Variants in NET1 observed in about 807,000 individuals in gnomAD.
NET1 encodes neuroepithelial cell-transforming gene 1 protein.
A neutral mutation model predicts 61.1 loss-of-function variants in NET1; 42 were observed. The ratio of observed to expected loss-of-function variants is 0.69; its 90% CI spans 0.54 to 0.89. NET1 has a LOEUF of 0.89. NET1 is among the 40% of genes least tolerant of loss of function. The pLI is 0.00. For missense variants in NET1, 654 were observed against 747.3 expected (o/e 0.88, Z 1.46); for synonymous variants, 254 against 281.8 (o/e 0.90, Z 0.99).
At position 5,426,443 on chromosome 10, in the gene NET1, C is replaced by A. The variant is rs1832258589; in HGVS notation, c.129-212C>A. 6.6e-6 allele frequency among the ~76,000 whole-genome samples: 1 copy of A among 152,092 alleles called. No individual in the cohort carries two copies. The highest frequency in any genetic ancestry group is 1.5e-5 in the Non-Finnish European group (1 of 68,006). On this transcript the variant is annotated intron_variant, in intron 1 of 11. Transcript: ENST00000355029. This position sits in a 1 kb window ranked among gnomAD's most constrained non-coding sequence, Gnocchi z 4.6. The stretch of plus-strand genomic sequence containing the variant: ...CACTAATTTTATATAGGCCTTTTCA[C>A]TCTAAAGATGCTGAGAATGACCAAA...
rs1832349772 is a variant in NET1, at chr10:5,431,572, T to A, written c.255+2343T>A. On this transcript the variant is annotated intron_variant, in intron 3 of 11. Coordinates refer to ENST00000355029, the MANE Select transcript of NET1 (RefSeq NM_001047160.3). The surrounding 1 kb of genome is among the most constrained non-coding windows in gnomAD (Gnocchi z 4.9). ...ATCTGTAAAGAGAAAATTCACCTTG[T>A]CGGCCATTTGATTACTCTGAAGTTC... Among the ~76,000 whole-genome samples, 1 of 152,182 alleles carries A rather than the reference T, an allele frequency of 6.6e-6. No homozygotes were observed. The highest frequency in any genetic ancestry group is 6.5e-5 in the Admixed American group (1 of 15,284).
intron 3 of NET1, among the ~76,000 whole-genome samples, chr10:5,438,169 C>T (rs1436777521): frequency 1.3e-5 from 2 of 152,192 alleles, no homozygotes; most frequent in East Asian, 3.9e-4. Context: ...AATCAGTACC[C>T]CAACTTTATT....
chr10:5,446,522 CGTG>C lies in NET1; in HGVS notation c.256-5300_256-5298del. On this transcript the variant is annotated intron_variant, in intron 3 of 11. Coordinates refer to ENST00000355029, the MANE Select transcript of NET1 (RefSeq NM_001047160.3). The surrounding 1 kb of genome is among the most constrained non-coding windows in gnomAD (Gnocchi z 5.0). ...CCCAGCTCTCAGTTAACTGAAGTCA[CGTG>C]GTGGTGGACCCCGCCCCCAGGGCCC... is the stretch of plus-strand genomic sequence containing the variant. 9.1e-7 allele frequency: 1 copy of C among 1,101,608 alleles called. No homozygotes were observed. The highest frequency in any genetic ancestry group is 1.1e-6 in the Non-Finnish European group (1 of 902,452). 68.2% of individuals were successfully genotyped at this position (1,101,608 alleles called of 1,614,324 possible).
At chr10:5,448,471 A>G (rs1286719085) in intron 3 of NET1, among the ~76,000 whole-genome samples, 3 of 152,224 alleles carry the variant, frequency 2.0e-5, no homozygotes, top group African/African-American at 7.2e-5. Flanking sequence ...GATTGCCTAT[A>G]ATAATGTATG....
In NET1 at chr10:5,412,810, C is replaced by G. The variant is rs781545991; in HGVS notation, c.118C>G (p.Leu40Val). The part of the protein sequence containing the change: ...GPSADTSGSE[L>V]DGRCSLRRGS... ...TTCGGCCGACACCTCCGGGTCGGAGCTGGACGGGAGGTGAGTGTGGGGGAG... is the reference window on the plus strand; with the variant it reads ...TTCGGCCGACACCTCCGGGTCGGAGGTGGACGGGAGGTGAGTGTGGGGGAG... Residue 40 changes from leucine (L) to valine (V), a missense_variant, in exon 1 of 12, where the codon CTG becomes GTG. Leu to Val is a conservative substitution (Grantham distance 32, BLOSUM62 1). Coordinates refer to ENST00000355029, the MANE Select transcript of NET1 (RefSeq NM_001047160.3). The surrounding 1 kb of genome is among the most constrained non-coding windows in gnomAD (Gnocchi z 6.5). 3 of 1,428,424 alleles carry G rather than the reference C, an allele frequency of 2.1e-6. No homozygotes were observed. The highest frequency in any genetic ancestry group is 6.0e-5 in the East Asian group (2 of 33,252). The allele number at this position is 1,428,424 out of a possible 1,614,324, so 88.5% of individuals were successfully genotyped here. A position where few individuals can be genotyped will look rare whatever the true frequency, so the allele number is the denominator to read the frequency against.
rs1832713702 is a variant in NET1, at chr10:5,452,020, C to G, written c.363+83C>G. ...TGTAGTTGTCTTTGAGCTGTACAAACAAGTTTGCATTATTATATTTAAACA... is the reference window on the plus strand; with the variant it reads ...TGTAGTTGTCTTTGAGCTGTACAAAGAAGTTTGCATTATTATATTTAAACA... On this transcript the variant is annotated intron_variant, in intron 4 of 11. Transcript: ENST00000355029. This position sits in a 1 kb window ranked among gnomAD's most constrained non-coding sequence, Gnocchi z 4.0. 2 of 1,013,188 alleles carry G rather than the reference C, an allele frequency of 2.0e-6. No homozygotes were observed. Among genetic ancestry groups the G allele is most frequent in the Non-Finnish European group, 2.9e-6 (2 of 678,360 alleles). The allele number at this position is 1,013,188 out of a possible 1,614,324, so 62.8% of individuals were successfully genotyped here.
rs1832484842 is a variant in NET1, at chr10:5,439,130, A to C, written c.255+9901A>C. The stretch of plus-strand genomic sequence containing the variant: ...AAGCTCCTGACCAATCAGCCAACCC[A>C]TTTGCCACTGCTCAGGAGCCTGTGT... On this transcript the variant is annotated intron_variant, in intron 3 of 11. Coordinates refer to ENST00000355029, the MANE Select transcript of NET1 (RefSeq NM_001047160.3). This position sits in a 1 kb window ranked among gnomAD's most constrained non-coding sequence, Gnocchi z 4.8. Among the ~76,000 whole-genome samples, 1 of 152,020 alleles carries C rather than the reference A, an allele frequency of 6.6e-6. No homozygotes were observed. Among genetic ancestry groups the C allele is most frequent in the East Asian group, 1.9e-4 (1 of 5,188 alleles).
At chr10:5,429,369 T>G (rs1344286154) in intron 3 of NET1, 140 bp downstream of exon 3, 2 of 609,286 alleles carry the variant, frequency 3.3e-6, no homozygotes, top group Non-Finnish European at 5.8e-6. Flanking sequence ...CAAAAGTGAA[T>G]AATATTAGTT....
rs1832780329 is a variant in NET1, at chr10:5,455,485, G to C, written c.1197+367G>C. ...TTTTCGCACTACATAACAAATTTCT[G>C]AAGCAGATTGAATGAATGCAAATGT... On this transcript the variant is annotated intron_variant, in intron 10 of 11. Transcript: ENST00000355029. This position sits in a 1 kb window ranked among gnomAD's most constrained non-coding sequence, Gnocchi z 6.5. 6.6e-6 allele frequency among the ~76,000 whole-genome samples: 1 copy of C among 152,150 alleles called. No individual in the cohort carries two copies. The highest frequency in any genetic ancestry group is 2.4e-5 in the African/African-American group (1 of 41,432).
Position 5,456,637 on chromosome 10 carries a change from T to C in NET1, c.1434T>C (p.Ser478=). The change falls in exon 12 of 12, where the codon TCT becomes TCC. Residue 478 remains serine, a synonymous_variant. Transcript: ENST00000355029. This position sits in a 1 kb window ranked among gnomAD's most constrained non-coding sequence, Gnocchi z 7.0. ...IRFHDPSPAQ[S]HTLQANDVFH... ...TCCATGACCCCTCTCCAGCCCAGTC[T>C]CACACTCTGCAAGCCAATGACGTGT... The C allele has an allele frequency of 6.2e-7, 1 of 1,607,160 alleles. No homozygotes were observed.
In NET1 at chr10:5,453,418, A is replaced by G; in HGVS notation, c.692-66A>G. On this transcript the variant is annotated intron_variant, in intron 7 of 11. Coordinates refer to ENST00000355029, the MANE Select transcript of NET1 (RefSeq NM_001047160.3). The surrounding 1 kb of genome is among the most constrained non-coding windows in gnomAD (Gnocchi z 4.9). The stretch of plus-strand genomic sequence containing the variant: ...CATGTAATTTTCAGTCTAAACTTCT[A>G]ATGTAGTGCTGACCTATTTTTTAAA... 1 of 1,581,396 alleles carries G rather than the reference A, an allele frequency of 6.3e-7. No homozygotes were observed. Among genetic ancestry groups the G allele is most frequent in the Non-Finnish European group, 8.7e-7 (1 of 1,150,082 alleles).
rs1832641234 is a variant in NET1, at chr10:5,447,839, T to G, written c.256-3991T>G. Among the ~76,000 whole-genome samples the G allele has an allele frequency of 6.6e-6, 1 of 152,234 alleles. No homozygotes were observed. The highest frequency in any genetic ancestry group is 2.4e-5 in the African/African-American group (1 of 41,466). ...AAAATGTGTAAGTATTTCCTTTGAG[T>G]AGAGCAGTCATCCACAGTCACTAGT... On this transcript the variant is annotated intron_variant, in intron 3 of 11. Coordinates refer to ENST00000355029, the MANE Select transcript of NET1 (RefSeq NM_001047160.3). This position sits in a 1 kb window ranked among gnomAD's most constrained non-coding sequence, Gnocchi z 4.1.
intron 3 of NET1, among the ~76,000 whole-genome samples, chr10:5,434,358 A>C (rs767657073): frequency 3.9e-5 from 6 of 152,178 alleles, no homozygotes; most frequent in Non-Finnish European, 8.8e-5. Context: ...TTTTTCTAAA[A>C]GAAGTATCAG....
chr10:5,419,733 G>GTTGTTT (rs1564457731), intron 1 of NET1, among the ~76,000 whole-genome samples: 18 of 151,712 alleles, frequency 1.2e-4, no homozygotes, highest in African/African-American at 4.1e-4. Context: ...TGTTGTTGTT[G>GTTGTTT]TTTTTATGGG....
Position 5,431,681 on chromosome 10 carries a change from C to T in NET1, c.255+2452C>T, listed in dbSNP as rs932479574. Among the ~76,000 whole-genome samples the T allele has an allele frequency of 2.0e-5, 3 of 152,014 alleles. No homozygotes were observed. Among genetic ancestry groups the T allele is most frequent in the African/African-American group, 7.2e-5 (3 of 41,392 alleles). On this transcript the variant is annotated intron_variant, in intron 3 of 11. Transcript: ENST00000355029. This position sits in a 1 kb window ranked among gnomAD's most constrained non-coding sequence, Gnocchi z 4.9. ...ATAACGAATTCTATTCATTAGCATT[C>T]TCTGAAAGTAAGTAATGATTTTTTT...
At chr10:5,413,345 C>T (rs61854768) in intron 1 of NET1, among the ~76,000 whole-genome samples, 460 of 152,302 alleles carry the variant, frequency 3.0e-3, no homozygotes, top group Non-Finnish European at 5.3e-3. Context: ...AAAGAAAAGA[C>T]TAAGGGATAA....
Position 5,456,460 on chromosome 10 carries a change from A to C in NET1, c.1385-128A>C. On this transcript the variant is annotated intron_variant, in intron 11 of 11. Transcript: ENST00000355029. The surrounding 1 kb of genome is among the most constrained non-coding windows in gnomAD (Gnocchi z 7.0). ...TATCTAAGAAATAATGCATAGGCTT[A>C]ATGTATTCACATTGACATAAATAAA... The C allele has an allele frequency of 9.2e-7, 1 of 1,081,088 alleles. No homozygotes were observed. Among genetic ancestry groups the C allele is most frequent in the Non-Finnish European group, 1.3e-6 (1 of 761,790 alleles). The allele number at this position is 1,081,088 out of a possible 1,614,324, so 67.0% of individuals were successfully genotyped here.
At chr10:5,429,954 G>A (rs1819102414) in intron 3 of NET1, among the ~76,000 whole-genome samples, 1 of 152,048 alleles carries the variant, frequency 6.6e-6, no homozygotes. Flanking sequence ...AACAGCAGCA[G>A]CTGCTGTTTC....
intron 3 of NET1, among the ~76,000 whole-genome samples, chr10:5,450,571 CT>C (rs1465305662): frequency 1.3e-5 from 2 of 151,798 alleles, no homozygotes; most frequent in African/African-American, 4.8e-5. Flanking sequence ...GAAAAAGTTG[CT>C]TCTTCTGTTA....
Sources: gnomAD v4.1 joint callset for allele counts (sites outside exome capture counted in the v4.1 genomes callset) on GRCh38, gnomAD v4.1.1 for gene constraint, Gnocchi (gnomAD v3.1) non-coding constraint, MANE v1.5 for transcripts, NCBI Gene and HGNC (gene_info 2026-07-23, HGNC 2026-07-21) for gene names.